The following GPR146 variants were observed in gnomAD, a reference collection of about 807,000 sequenced individuals.
GPR146 encodes the protein G protein-coupled receptor 146, also known as G-protein coupled receptor 146.
For missense variants in GPR146, 381 were observed against 213.9 expected (o/e 1.78, Z -4.87); for synonymous variants, 203 against 104.3 (o/e 1.95, Z -5.77).
intron 1 of GPR146, among the ~76,000 whole-genome samples, chr7:1,048,232 G>A (rs560141083): frequency 6.6e-6 from 1 of 152,206 alleles, no homozygotes; most frequent in African/African-American, 2.4e-5. Context: ...ACTTCGTGGG[G>A]ATCACCGGGC....
intron 1 of GPR146, among the ~76,000 whole-genome samples, chr7:1,054,029 G>A (rs565501490): frequency 1.3e-5 from 2 of 152,138 alleles, no homozygotes; most frequent in African/African-American, 2.4e-5. Flanking sequence ...GTTTCCTCAC[G>A]CTCTGCTGAC....
chr7:1,047,757 A>C (rs2128193522), intron 1 of GPR146, among the ~76,000 whole-genome samples: 1 of 152,248 alleles, frequency 6.6e-6, no homozygotes. Flanking sequence ...CTTTCCACTC[A>C]AATCTAAGGC....
chr7:1,058,443 C>T lies in GPR146; in HGVS notation c.928C>T (p.Leu310=), dbSNP rs775381104. 3.8e-6 allele frequency: 3 copies of T among 780,700 alleles called. No individual in the cohort carries two copies. In the Admixed American group the frequency reaches 5.1e-5, roughly 13 times the overall value. 48.4% of individuals were successfully genotyped at this position (780,700 alleles called of 1,614,324 possible). A position where few individuals can be genotyped will look rare whatever the true frequency, so the allele number is the denominator to read the frequency against. ...GAGCTTCCCCAGCAAGCTCCAACGG[C>T]TGATGAAAAAGCTGCCCTGCGGGGA... ...NQSFPSKLQR[L]MKKLPCGDRH... The change falls in exon 2 of 2, where the codon CTG becomes TTG. Residue 310 remains leucine (L), a synonymous_variant. Coordinates refer to ENST00000444847, the MANE Select transcript of GPR146 (RefSeq NM_001303473.2).
At chr7:1,055,547 G>A (rs1014191507) in intron 1 of GPR146, 41 of 426,168 alleles carry the variant, frequency 9.6e-5, no homozygotes, top group African/African-American at 4.7e-4. Context: ...AGTACAGGCA[G>A]GAGAGGGGAC....
intron 1 of GPR146, among the ~76,000 whole-genome samples, chr7:1,057,114 G>A (rs1349999603): frequency 1.3e-5 from 2 of 152,140 alleles, no homozygotes; most frequent in Non-Finnish European, 2.9e-5. Context: ...GCGCTGGCAA[G>A]ATGCGAACAC....
chr7:1,045,802 T>A (rs926556798), intron 1 of GPR146: 2 of 152,280 alleles, frequency 1.3e-5, no homozygotes, highest in Non-Finnish European at 2.9e-5. Context: ...AATACTGTTG[T>A]GCCTTTTCAC....
intron 1 of GPR146, among the ~76,000 whole-genome samples, chr7:1,048,257 C>G (rs929315438): frequency 9.9e-5 from 15 of 152,194 alleles, no homozygotes; most frequent in African/African-American, 3.6e-4. Context: ...GACTTGCCGG[C>G]CCCAGCTCTG....
At chr7:1,055,055 G>A (rs1033729270) in intron 1 of GPR146, among the ~76,000 whole-genome samples, 1 of 152,222 alleles carries the variant, frequency 6.6e-6, no homozygotes, top group African/African-American at 2.4e-5. Flanking sequence ...GGCTCTCGGT[G>A]GGATGCCCCG....
rs1381780922 is a variant in GPR146 at position 1,058,952 on chromosome 7, G to A, written c.*435G>A. On this transcript the variant is annotated 3_prime_UTR_variant, in exon 2 of 2. Transcript: ENST00000444847. ...ATGAACAAAACCCTACGAAAGAATG[G>A]CAACAGCCAGGGTGGCCGGGCCCTG... is the stretch of plus-strand genomic sequence containing the variant. 1 of 185,614 alleles carries A rather than the reference G, an allele frequency of 5.4e-6. No homozygotes were observed. The highest frequency in any genetic ancestry group is 2.4e-5 in the African/African-American group (1 of 41,820). The allele number at this position is 185,614 out of a possible 1,614,324, so 11.5% of individuals were successfully genotyped here.
In GPR146 at chr7:1,057,646, A is replaced by G. The variant is rs781759311; in HGVS notation, c.131A>G (p.Tyr44Cys). The G allele has an allele frequency of 5.2e-6, 4 of 770,472 alleles. No individual in the cohort carries two copies. The highest frequency in any genetic ancestry group is 4.9e-5 in the East Asian group (2 of 40,966). 47.7% of individuals were successfully genotyped at this position (770,472 alleles called of 1,614,324 possible). ...GTGGGCGTGCCAGTGGGCCTGTGCT[A>G]CAACGCCCTGCTGGTGCTGGCCAAC... ...LVVGVPVGLC[Y>C]NALLVLANLH... is the part of the protein sequence containing the mutation. Residue 44 changes from tyrosine (Y) to cysteine (C), a missense_variant, in exon 2 of 2, where the codon TAC becomes TGC. Coordinates refer to ENST00000444847, the MANE Select transcript of GPR146 (RefSeq NM_001303473.2).
chr7:1,050,868 C>T (rs760346657), intron 1 of GPR146, among the ~76,000 whole-genome samples: 21 of 152,170 alleles, frequency 1.4e-4, no homozygotes, highest in Non-Finnish European at 2.4e-4. Flanking sequence ...AGGCTTGACG[C>T]GCAGGGGGTC....
rs1263129014 is a variant in GPR146 at position 1,057,660 on chromosome 7, G to A, written c.145G>A (p.Val49Met). The A allele has an allele frequency of 1.3e-6, 1 of 771,698 alleles. No homozygotes were observed. Among genetic ancestry groups the A allele is most frequent in the South Asian group, 1.4e-5 (1 of 73,832 alleles). The allele number at this position is 771,698 out of a possible 1,614,324, so 47.8% of individuals were successfully genotyped here. ...GGGCCTGTGCTACAACGCCCTGCTG[G>A]TGCTGGCCAACCTACACAGCAAGGC... ...PVGLCYNALL[V>M]LANLHSKASM... is the part of the protein sequence containing the mutation. The change falls in exon 2 of 2, where the codon GTG (valine) becomes ATG (methionine). Residue 49 changes from valine (V) to methionine (M), a missense_variant. Transcript: ENST00000444847.
At position 1,052,151 on chromosome 7, in the gene GPR146, C is replaced by A. The variant is rs1290779646; in HGVS notation, c.-24-5341C>A. ...CCAAGATGCTGCCTGCAGCCCCTCC[C>A]CTCCTGGCCCGAGATGCTGTCATTG... On this transcript the variant is annotated intron_variant, in intron 1 of 1. Coordinates refer to ENST00000444847, the MANE Select transcript of GPR146 (RefSeq NM_001303473.2). This position sits in a 1 kb window ranked among gnomAD's most constrained non-coding sequence, Gnocchi z 4.2. 6.6e-6 allele frequency among the ~76,000 whole-genome samples: 1 copy of A among 152,276 alleles called. No individual in the cohort carries two copies.
At chr7:1,055,419 G>A (rs560334712) in intron 1 of GPR146, 200 of 468,366 alleles carry the variant, frequency 4.3e-4, no homozygotes, top group African/African-American at 3.6e-3. Flanking sequence ...CCTCTGTCCC[G>A]CCATGCTGCT....
chr7:1,056,428 C>A (rs988056622), intron 1 of GPR146: 7 of 152,574 alleles, frequency 4.6e-5, no homozygotes, highest in African/African-American at 1.7e-4. Context: ...CCACACCTCC[C>A]GTCCTGCCCA....
chr7:1,048,100 G>A (rs1176180698), intron 1 of GPR146, among the ~76,000 whole-genome samples: 1 of 152,140 alleles, frequency 6.6e-6, no homozygotes, highest in Non-Finnish European at 1.5e-5. Context: ...GGGTACTGAT[G>A]CCCAAAATAA....
Position 1,057,997 on chromosome 7 carries a change from C to T in GPR146, c.482C>T (p.Ser161Phe), listed in dbSNP as rs1222001443. The T allele has an allele frequency of 6.5e-6, 5 of 770,162 alleles. No homozygotes were observed. The highest frequency in any genetic ancestry group is 1.2e-5 in the Non-Finnish European group (5 of 417,932). 47.7% of individuals were successfully genotyped at this position (770,162 alleles called of 1,614,324 possible). ...GGTGGCGCGCTGCTGACCAGCTTCT[C>T]CTCGCTGCTCTTCTACATCTGCAGC... ...VWGGALLTSF[S>F]SLLFYICSHV... is the part of the protein sequence containing the mutation. The change falls in exon 2 of 2, where the codon TCC (serine) becomes TTC (phenylalanine). Residue 161 changes from serine (S) to phenylalanine (F), a missense_variant. Physicochemically the swap from Ser to Phe is radical, Grantham distance 155 (BLOSUM62 -2). Coordinates refer to ENST00000444847, the MANE Select transcript of GPR146 (RefSeq NM_001303473.2).
At chr7:1,049,021 G>A (rs999022844) in intron 1 of GPR146, among the ~76,000 whole-genome samples, 48 of 152,008 alleles carry the variant, frequency 3.2e-4, no homozygotes, top group African/African-American at 1.1e-3. Context: ...CAGTCTGAGC[G>A]TGCGCTCCCC....
At position 1,058,064 on chromosome 7, in the gene GPR146, C is replaced by T. The variant is rs147488763; in HGVS notation, c.549C>T (p.Asn183=). Residue 183 remains asparagine, a synonymous_variant, in exon 2 of 2, where the codon AAC becomes AAT. Coordinates refer to ENST00000444847, the MANE Select transcript of GPR146 (RefSeq NM_001303473.2). ...TRALECAKMQ[N]AEAADATLVF... Reference sequence around the variant, plus strand: ...CGCTAGAGTGCGCCAAGATGCAGAACGCAGAAGCTGCCGACGCCACGCTGG... The same window carrying T: ...CGCTAGAGTGCGCCAAGATGCAGAATGCAGAAGCTGCCGACGCCACGCTGG... The T allele has an allele frequency of 3.2e-4, 248 of 768,036 alleles. No homozygotes were observed. The highest frequency in any genetic ancestry group is 4.7e-4 in the Non-Finnish European group (195 of 417,930). 47.6% of individuals were successfully genotyped at this position (768,036 alleles called of 1,614,324 possible).
Sources: gnomAD v4.1 joint callset for allele counts (sites outside exome capture counted in the v4.1 genomes callset) on GRCh38, gnomAD v4.1.1 for gene constraint, Gnocchi (gnomAD v3.1) non-coding constraint, MANE v1.5 for transcripts, NCBI Gene and HGNC (gene_info 2026-07-23, HGNC 2026-07-21) for gene names.